Variants in TMED2 observed in about 807,000 individuals in gnomAD.
TMED2 encodes transmembrane p24 trafficking protein 2.
Under a neutral mutation model 17.5 loss-of-function variants are expected in TMED2, and 3 were observed. The observed-to-expected ratio is 0.17, with a 90% confidence interval of 0.08 to 0.44. The LOEUF (loss-of-function observed/expected upper bound fraction) is 0.44. Ranked by LOEUF, TMED2 falls within the 20% of genes least tolerant of loss-of-function variation. The pLI, the probability that TMED2 is intolerant of heterozygous loss-of-function variation, is 0.99. For missense variants in TMED2, 149 were observed against 254.8 expected, an observed-to-expected ratio of 0.58 and a Z score of 2.83; for synonymous variants, 95 against 91.0, an observed-to-expected ratio of 1.04 and a Z score of -0.25.
At chr12:123,584,985 C>T in intron 1 of TMED2, 169 bp downstream of exon 1, 2 of 788,472 alleles carry the variant, frequency 2.5e-6, no homozygotes, top group Non-Finnish European at 3.9e-6. Context: ...ACGGCGACCT[C>T]CTAACGGCCC....
intron 2 of TMED2, among the ~76,000 whole-genome samples, chr12:123,589,110 A>G (rs1489306051): frequency 1.3e-5 from 2 of 152,172 alleles, no homozygotes; most frequent in Non-Finnish European, 2.9e-5. Context: ...GGCACTACCT[A>G]GAAGCACATG....
chr12:123,590,529 T>C, intron 3 of TMED2, 80 bp downstream of exon 3: 1 of 1,189,970 alleles, frequency 8.4e-7, no homozygotes, highest in Non-Finnish European at 1.2e-6. Flanking sequence ...ATTTTCCTCA[T>C]TTGGAAACTT....
chr12:123,587,699 T>C, intron 2 of TMED2: 2 of 1,227,282 alleles, frequency 1.6e-6, no homozygotes, highest in East Asian at 6.3e-5. Context: ...AATTTCTGCT[T>C]TCTTTTTTCT....
chr12:123,598,099 A>ACT lies in TMED2; in HGVS notation c.*1370_*1371insCT, dbSNP rs772466229. 57 of 152,488 alleles carry ACT rather than the reference A, an allele frequency of 3.7e-4. No homozygotes were observed. The highest frequency in any genetic ancestry group is 7.9e-4 in the Non-Finnish European group (54 of 68,026). 9.4% of individuals were successfully genotyped at this position (152,488 alleles called of 1,614,324 possible). ...GTAAATTTAAAATTGGTTGTATCTAATATGCCCCAGGTTCGGTAAATAAAC... is the reference window on the plus strand; with the variant it reads ...GTAAATTTAAAATTGGTTGTATCTAACTTATGCCCCAGGTTCGGTAAATAAAC... On this transcript the variant is annotated 3_prime_UTR_variant, in exon 4 of 4. Coordinates refer to ENST00000262225, the MANE Select transcript of TMED2 (RefSeq NM_006815.4).
chr12:123,594,654 G>A (rs1018419196), intron 3 of TMED2, among the ~76,000 whole-genome samples: 7 of 151,430 alleles, frequency 4.6e-5, no homozygotes, highest in African/African-American at 9.7e-5. Flanking sequence ...TTGGGAGGCC[G>A]AGGTGGGTGG....
intron 3 of TMED2, among the ~76,000 whole-genome samples, chr12:123,592,386 C>G (rs1167971307): frequency 6.6e-6 from 1 of 152,188 alleles, no homozygotes. Context: ...CTGGTTCAGA[C>G]CAGATGGCTT....
chr12:123,584,970 C>G, intron 1 of TMED2, 154 bp downstream of exon 1: 6 of 969,532 alleles, frequency 6.2e-6, no homozygotes, highest in South Asian at 1.7e-5. Context: ...CGCCCCGCCC[C>G]GGCCACGGCG....
Position 123,598,199 on chromosome 12 carries a change from GTTC to G in TMED2, c.*1473_*1475del, listed in dbSNP as rs1157543589. ...CACATTTTTTACACACCAACTTTCT[GTTC>G]TTATTTGACATGAGACATGTTCATG... On this transcript the variant is annotated 3_prime_UTR_variant, in exon 4 of 4. Coordinates refer to ENST00000262225, the MANE Select transcript of TMED2 (RefSeq NM_006815.4). 6.6e-6 allele frequency: 1 copy of G among 152,168 alleles called. No individual in the cohort carries two copies. The highest frequency in any genetic ancestry group is 2.4e-5 in the African/African-American group (1 of 41,374). 9.4% of individuals were successfully genotyped at this position (152,168 alleles called of 1,614,324 possible).
chr12:123,596,537 A>G (rs891788551), intron 3 of TMED2, 68 bp from the exon 4 acceptor site: 19 of 1,540,632 alleles, frequency 1.2e-5, no homozygotes, highest in Non-Finnish European at 1.5e-5. Flanking sequence ...AGACTAAAAT[A>G]TTTATGATGC....
chr12:123,584,825 T>A lies in TMED2; in HGVS notation c.180+9T>A. On this transcript the variant is annotated intron_variant, in intron 1 of 3. Coordinates refer to ENST00000262225, the MANE Select transcript of TMED2 (RefSeq NM_006815.4). ...TGGACATCGACGTGGAGGTGCGGGCTAGCTGCCCGCAGCTGAGGCTTGGTC... is the reference window on the plus strand; with the variant it reads ...TGGACATCGACGTGGAGGTGCGGGCAAGCTGCCCGCAGCTGAGGCTTGGTC... 1 of 1,606,974 alleles carries A rather than the reference T, an allele frequency of 6.2e-7. No homozygotes were observed. The highest frequency in any genetic ancestry group is 8.5e-7 in the Non-Finnish European group (1 of 1,179,658).
In TMED2 at chr12:123,592,898, C is replaced by T. The variant is rs142941087; in HGVS notation, c.481+2449C>T. Among the ~76,000 whole-genome samples the T allele has an allele frequency of 2.2e-3, 334 of 152,168 alleles. 1 individual carries two copies. The highest frequency in any genetic ancestry group is 3.6e-3 in the Non-Finnish European group (243 of 68,006). On this transcript the variant is annotated intron_variant, in intron 3 of 3. Coordinates refer to ENST00000262225, the MANE Select transcript of TMED2 (RefSeq NM_006815.4). ...CAGCCTGGCCAACATGGTGAAACCCCGTCTCTACTAAAAATGCAAAAATTA... is the reference window on the plus strand; with the variant it reads ...CAGCCTGGCCAACATGGTGAAACCCTGTCTCTACTAAAAATGCAAAAATTA...
At chr12:123,590,150 G>A (rs1426644796) in intron 2 of TMED2, among the ~76,000 whole-genome samples, 192 bp from the exon 3 acceptor site, 1 of 152,016 alleles carries the variant, frequency 6.6e-6, no homozygotes, top group Non-Finnish European at 1.5e-5. Context: ...GGGTGTGGCA[G>A]CGTGTGCCTG....
chr12:123,595,638 A>G (rs1398821005), intron 3 of TMED2, among the ~76,000 whole-genome samples: 2 of 152,108 alleles, frequency 1.3e-5, no homozygotes, highest in African/African-American at 4.8e-5. Context: ...ATGGTGAGGG[A>G]GAAAGATGGT....
rs147582132 is a variant in TMED2, at chr12:123,584,774, C to T, written c.138C>T (p.Ile46=). 16 of 1,613,068 alleles carry T rather than the reference C, an allele frequency of 9.9e-6. No homozygotes were observed. The highest frequency in any genetic ancestry group is 2.7e-5 in the African/African-American group (2 of 74,938). Residue 46 remains isoleucine, a synonymous_variant, in exon 1 of 4, where the codon ATC becomes ATT. Coordinates refer to ENST00000262225, the MANE Select transcript of TMED2 (RefSeq NM_006815.4). ...CCTCGGGCACCAAGATGGGCCTCAT[C>T]TTCGAGGTGGCGGAGGGCGGCTTCC... is the stretch of plus-strand genomic sequence containing the variant. ...RVTSGTKMGL[I]FEVAEGGFLD...
At position 123,597,558 on chromosome 12, in the gene TMED2, G is replaced by T. The variant is rs2135666088; in HGVS notation, c.*829G>T. The stretch of plus-strand genomic sequence containing the variant: ...AAAATCTGGATTTCTGATGCCAAAG[G>T]GTTAAAGCTTCTTGGATTTCATTTC... On this transcript the variant is annotated 3_prime_UTR_variant, in exon 4 of 4. Coordinates refer to ENST00000262225, the MANE Select transcript of TMED2 (RefSeq NM_006815.4). 6.6e-6 allele frequency: 1 copy of T among 152,654 alleles called. No individual in the cohort carries two copies. The highest frequency in any genetic ancestry group is 3.4e-3 in the Middle Eastern group (1 of 294). The allele number at this position is 152,654 out of a possible 1,614,324, so 9.5% of individuals were successfully genotyped here. A position where few individuals can be genotyped will look rare whatever the true frequency, so the allele number is the denominator to read the frequency against.
intron 2 of TMED2, among the ~76,000 whole-genome samples, chr12:123,590,073 A>G (rs968695446): frequency 6.6e-6 from 1 of 151,968 alleles, no homozygotes; most frequent in Non-Finnish European, 1.5e-5. Flanking sequence ...ACCTGAGGTC[A>G]GGAGTTCAAG....
chr12:123,598,426 T>A lies in TMED2; in HGVS notation c.*1697T>A, dbSNP rs1173402809. ...TTCACTTGCCCACGTAGTTTATGAA[T>A]GTGGGAAATAGCTTCAAAGACAGAT... On this transcript the variant is annotated 3_prime_UTR_variant, in exon 4 of 4. Transcript: ENST00000262225. 6.6e-6 allele frequency: 1 copy of A among 152,208 alleles called. No individual in the cohort carries two copies. The highest frequency in any genetic ancestry group is 2.4e-5 in the African/African-American group (1 of 41,450). 9.4% of individuals were successfully genotyped at this position (152,208 alleles called of 1,614,324 possible). A position where few individuals can be genotyped will look rare whatever the true frequency, so the allele number is the denominator to read the frequency against.
rs71088937 is a variant in TMED2, at chr12:123,584,564, GGGCGGCGGC to G, written c.-54_-46del. On this transcript the variant is annotated 5_prime_UTR_variant, in exon 1 of 4. Coordinates refer to ENST00000262225, the MANE Select transcript of TMED2 (RefSeq NM_006815.4). ...GGCGGCGGTGGCTGAGAAGGCAGCG[GGGCGGCGGC>G]GGCGGCGGCGGCGGCGGCTGTGGAG... 80 of 1,399,360 alleles carry G rather than the reference GGGCGGCGGC, an allele frequency of 5.7e-5. No homozygotes were observed. The highest frequency in any genetic ancestry group is 2.1e-4 in the African/African-American group (15 of 69,858). The allele number at this position is 1,399,360 out of a possible 1,614,324, so 86.7% of individuals were successfully genotyped here.
At chr12:123,589,826 C>T (rs1212203270) in intron 2 of TMED2, among the ~76,000 whole-genome samples, 2 of 151,000 alleles carry the variant, frequency 1.3e-5, no homozygotes, top group African/African-American at 2.4e-5. Context: ...AGCGAGACCC[C>T]GTCTCTAAAA....
Sources: allele counts gnomAD v4.1 joint callset (sites outside exome capture counted in the v4.1 genomes callset), GRCh38; gene constraint gnomAD v4.1.1; transcripts MANE v1.5; gene names NCBI Gene and HGNC (gene_info 2026-07-23, HGNC 2026-07-21).